Variants in GFRAL observed in about 807,000 individuals in gnomAD.
The protein encoded by GFRAL is GDNF family receptor alpha like.
Under a neutral mutation model 45.4 loss-of-function variants are expected in GFRAL, and 36 were observed. The ratio of observed to expected loss-of-function variants is 0.79; its 90% CI spans 0.61 to 1.05. GFRAL has a LOEUF of 1.05. Among genes scored for constraint, GFRAL ranks in the 50% least tolerant of loss-of-function variants. GFRAL has a pLI of 0.00. For missense variants in GFRAL, 507 were observed against 467.5 expected (o/e 1.08, Z -0.78); for synonymous variants, 166 against 154.1 (o/e 1.08, Z -0.57).
chr6:55,386,663 A>T (rs75955437), intron 6 of GFRAL, among the ~76,000 whole-genome samples: 49 of 152,266 alleles, frequency 3.2e-4, no homozygotes, highest in East Asian at 1.2e-3. Flanking sequence ...CTAAGGAATT[A>T]TCTGGAAGAT....
chr6:55,376,819 T>C (rs1002351003), intron 6 of GFRAL, among the ~76,000 whole-genome samples: 4 of 151,988 alleles, frequency 2.6e-5, no homozygotes, highest in African/African-American at 9.7e-5. Context: ...AGGATTTTCA[T>C]GTCTCTATCT....
chr6:55,368,213 C>G (rs1454401725), intron 6 of GFRAL, among the ~76,000 whole-genome samples: 5 of 152,142 alleles, frequency 3.3e-5, no homozygotes, highest in African/African-American at 1.2e-4. Flanking sequence ...CGCTGATACC[C>G]TTTCTTCTAG....
chr6:55,382,038 T>C (rs555293766), intron 6 of GFRAL, among the ~76,000 whole-genome samples: 1 of 152,048 alleles, frequency 6.6e-6, no homozygotes, highest in Admixed American at 6.6e-5. Context: ...TCAAGTCTAG[T>C]TTCCTTCAAA....
chr6:55,375,969 A>G (rs1380384107), intron 6 of GFRAL, among the ~76,000 whole-genome samples: 1 of 152,148 alleles, frequency 6.6e-6, no homozygotes, highest in African/African-American at 2.4e-5. Flanking sequence ...GCTTTTGCAC[A>G]TTCAGTATAA....
At chr6:55,371,914 T>C (rs1264669491) in intron 6 of GFRAL, among the ~76,000 whole-genome samples, 1 of 152,176 alleles carries the variant, frequency 6.6e-6, no homozygotes, top group Non-Finnish European at 1.5e-5. Flanking sequence ...CAGACAAATT[T>C]TCCAGAAGAG....
intron 6 of GFRAL, among the ~76,000 whole-genome samples, chr6:55,380,504 CATGT>C (rs762002706): frequency 1.3e-5 from 2 of 151,902 alleles, no homozygotes; most frequent in African/African-American, 2.4e-5. Context: ...AGTTCAGCAA[CATGT>C]ATTTAAAAAG....
intron 6 of GFRAL, among the ~76,000 whole-genome samples, chr6:55,377,775 C>T (rs922221292): frequency 6.6e-6 from 1 of 151,960 alleles, no homozygotes; most frequent in African/African-American, 2.4e-5. Context: ...TAGATAGATA[C>T]TGAAAGATCC....
intron 6 of GFRAL, 23 bp downstream of exon 6, chr6:55,359,161 T>A: frequency 6.4e-7 from 1 of 1,572,998 alleles, no homozygotes; most frequent in Non-Finnish European, 8.6e-7. Flanking sequence ...AATAAAATTA[T>A]CTGTCTATCT....
At chr6:55,400,893 C>A (rs1179695320) in intron 8 of GFRAL, among the ~76,000 whole-genome samples, 1 of 152,132 alleles carries the variant, frequency 6.6e-6, no homozygotes, top group East Asian at 1.9e-4. Flanking sequence ...TCTGGCCCGG[C>A]AAAAACATCT....
At chr6:55,346,842 C>CCA (rs1554187942) in intron 3 of GFRAL, among the ~76,000 whole-genome samples, 42,349 of 97,708 alleles carry the variant, frequency 0.43, 12,631 homozygotes, top group Middle Eastern at 0.64. Flanking sequence ...CCCCCCCCCC[C>CCA]AAAAAAAAGA....
intron 5 of GFRAL, among the ~76,000 whole-genome samples, chr6:55,357,288 T>C (rs1264286145): frequency 6.6e-6 from 1 of 151,806 alleles, no homozygotes; most frequent in Non-Finnish European, 1.5e-5. Flanking sequence ...GAAAGTGAGA[T>C]GTTGAAGTCT....
intron 6 of GFRAL, among the ~76,000 whole-genome samples, chr6:55,369,366 C>T (rs1344581019): frequency 1.3e-5 from 2 of 152,182 alleles, no homozygotes; most frequent in African/African-American, 4.8e-5. Context: ...GAGATGAACC[C>T]GGTACCTCGG....
chr6:55,341,210 T>G (rs2397180), intron 3 of GFRAL, among the ~76,000 whole-genome samples: 59,009 of 151,996 alleles, frequency 0.39, 11,871 homozygotes, highest in South Asian at 0.63. Context: ...AATCTAAGAA[T>G]GAACATACTG....
chr6:55,373,481 A>T (rs115759495), intron 6 of GFRAL, among the ~76,000 whole-genome samples: 2,024 of 152,206 alleles, frequency 0.013, 51 homozygotes, highest in African/African-American at 0.046. Flanking sequence ...TAGATTTCTC[A>T]TGTACTTGCT....
intron 6 of GFRAL, among the ~76,000 whole-genome samples, chr6:55,384,910 G>A (rs1218323187): frequency 1.3e-5 from 2 of 151,122 alleles, no homozygotes; most frequent in African/African-American, 2.4e-5. Context: ...TAGCCTATGA[G>A]GAATGCTCCA....
chr6:55,337,634 T>A (rs1218787796), intron 3 of GFRAL, among the ~76,000 whole-genome samples: 1 of 152,234 alleles, frequency 6.6e-6, no homozygotes, highest in East Asian at 1.9e-4. Context: ...TTTGGTAATT[T>A]GTGTCTTCCA....
intron 3 of GFRAL, among the ~76,000 whole-genome samples, chr6:55,342,618 C>T (rs992520541): frequency 6.6e-6 from 1 of 151,982 alleles, no homozygotes; most frequent in Non-Finnish European, 1.5e-5. Flanking sequence ...ACTGCATCAA[C>T]CAACGAGCAA....
intron 6 of GFRAL, among the ~76,000 whole-genome samples, chr6:55,386,163 A>T (rs977218226): frequency 6.6e-6 from 1 of 152,130 alleles, no homozygotes; most frequent in East Asian, 1.9e-4. Context: ...TTTGGGATAA[A>T]AGAGTTTTCT....
At position 55,344,877 on chromosome 6, in the gene GFRAL, A is replaced by G. The variant is rs535130408; in HGVS notation, c.317-5215A>G. Among the ~76,000 whole-genome samples, 95 of 152,340 alleles carry G rather than the reference A, an allele frequency of 6.2e-4. 1 individual carries two copies. In the East Asian group the frequency reaches 0.014, roughly 23 times the overall value. On this transcript the variant is annotated intron_variant, in intron 3 of 8. Transcript: ENST00000340465. ...ACAAAATCAATGTGCAAAAATCACA[A>G]GCATTCCTATACACCAATAATAGAC...
Sources: allele counts gnomAD v4.1 joint callset (sites outside exome capture counted in the v4.1 genomes callset), GRCh38; gene constraint gnomAD v4.1.1; transcripts MANE v1.5; gene names NCBI Gene and HGNC (gene_info 2026-07-23, HGNC 2026-07-21).